PLEKHH1: variants seen among roughly 807,000 people sequenced by gnomAD.
PLEKHH1 encodes the protein pleckstrin homology, MyTH4 and FERM domain containing H1.
Under a neutral mutation model 160.0 loss-of-function variants are expected in PLEKHH1, and 104 were observed. The observed-to-expected ratio is 0.65, with a 90% CI of 0.55 to 0.76. PLEKHH1 has a LOEUF of 0.76. PLEKHH1 is among the 30% of genes least tolerant of loss of function. The pLI, the probability that PLEKHH1 is intolerant of heterozygous loss-of-function variation, is 0.00. For missense variants in PLEKHH1, 1,427 were observed against 1,724.1 expected (o/e 0.83, Z 3.05); for synonymous variants, 619 against 678.4 (o/e 0.91, Z 1.36).
rs536368085 is a variant in PLEKHH1 at position 67,559,703 on chromosome 14, A to T, written c.423+12A>T. On this transcript the variant is annotated intron_variant, in intron 5 of 28. Coordinates refer to ENST00000329153, the MANE Select transcript of PLEKHH1 (RefSeq NM_020715.3). ...TCAAGTTGGCAAAGGTGGGTTGGAAACTCATCTTGGAGGCCTGCCAGAGGC... is the reference window on the plus strand; with the variant it reads ...TCAAGTTGGCAAAGGTGGGTTGGAATCTCATCTTGGAGGCCTGCCAGAGGC... The T allele has an allele frequency of 6.3e-7, 1 of 1,581,926 alleles. No individual in the cohort carries two copies. Among genetic ancestry groups the T allele is most frequent in the East Asian group, 2.3e-5 (1 of 44,098 alleles).
intron 1 of PLEKHH1, among the ~76,000 whole-genome samples, chr14:67,534,557 G>A (rs1361484858): frequency 1.3e-5 from 2 of 152,084 alleles, no homozygotes; most frequent in African/African-American, 4.8e-5. Context: ...AAGTGGAAGA[G>A]CCATAACTGA....
At position 67,589,514 on chromosome 14, in the gene PLEKHH1, A is replaced by AGCAGCTATCTGTGAACCAG; in HGVS notation, c.*2281_*2299dup. The AGCAGCTATCTGTGAACCAG allele has an allele frequency of 1.0e-6, 1 of 985,178 alleles. No homozygotes were observed. The highest frequency in any genetic ancestry group is 1.2e-6 in the Non-Finnish European group (1 of 829,692). The allele number at this position is 985,178 out of a possible 1,614,324, so 61.0% of individuals were successfully genotyped here. A position where few individuals can be genotyped will look rare whatever the true frequency, so the allele number is the denominator to read the frequency against. On this transcript the variant is annotated 3_prime_UTR_variant, in exon 29 of 29. Coordinates refer to ENST00000329153, the MANE Select transcript of PLEKHH1 (RefSeq NM_020715.3). ...ACTATGATCTTGTTTGTCAATAAAA[A>AGCAGCTATCTGTGAACCAG]GCAGCTATCTGTGAACCAGGTAACT...
intron 9 of PLEKHH1, chr14:67,570,272 C>T: frequency 2.1e-6 from 2 of 950,106 alleles, no homozygotes; most frequent in Non-Finnish European, 2.5e-6. Flanking sequence ...CTCTCCCCAC[C>T]TTTTCTCATG....
intron 4 of PLEKHH1, among the ~76,000 whole-genome samples, chr14:67,558,799 G>A (rs2034701458): frequency 6.6e-6 from 1 of 152,332 alleles, no homozygotes. Context: ...GTAAAGTCCA[G>A]GTAGTAACTA....
chr14:67,574,269 C>A lies in PLEKHH1; in HGVS notation c.1954C>A (p.Leu652Met). The part of the protein sequence containing the change: ...QLISEKKTYY[L>M]TADSPSLLEE... ...CATCTCTGAGAAGAAAACCTACTAC[C>A]TGACGGCCGATTCACCCAGCCTGCT... is the stretch of plus-strand genomic sequence containing the variant. The change falls in exon 14 of 29, where the codon CTG (leucine) becomes ATG (methionine). Residue 652 changes from leucine to methionine, a missense_variant. Physicochemically the swap from Leu to Met is conservative, Grantham distance 15 (BLOSUM62 2). Transcript: ENST00000329153. The surrounding 1 kb of genome is among the most constrained non-coding windows in gnomAD (Gnocchi z 4.2). 1 of 1,608,304 alleles carries A rather than the reference C, an allele frequency of 6.2e-7. No individual in the cohort carries two copies. Among genetic ancestry groups the A allele is most frequent in the Non-Finnish European group, 8.5e-7 (1 of 1,177,358 alleles).
At position 67,578,757 on chromosome 14, in the gene PLEKHH1, G is replaced by T; in HGVS notation, c.2849+126G>T. The T allele has an allele frequency of 1.4e-6, 1 of 704,482 alleles. No homozygotes were observed. Among genetic ancestry groups the T allele is most frequent in the East Asian group, 2.7e-5 (1 of 36,888 alleles). The allele number at this position is 704,482 out of a possible 1,614,324, so 43.6% of individuals were successfully genotyped here. On this transcript the variant is annotated intron_variant, in intron 20 of 28. Transcript: ENST00000329153. The surrounding 1 kb of genome is among the most constrained non-coding windows in gnomAD (Gnocchi z 5.0). ...CCTCTGAAACCGCTCAGTGGTCGTG[G>T]AGACTTCACCCATTGCCGTGTGCAC...
rs983017667 is a variant in PLEKHH1, at chr14:67,533,389, C to G, written c.-44C>G. 6.6e-6 allele frequency: 1 copy of G among 151,636 alleles called. No homozygotes were observed. The highest frequency in any genetic ancestry group is 3.4e-3 in the Middle Eastern group (1 of 292). 9.4% of individuals were successfully genotyped at this position (151,636 alleles called of 1,614,324 possible). A position where few individuals can be genotyped will look rare whatever the true frequency, so the allele number is the denominator to read the frequency against. On this transcript the variant is annotated 5_prime_UTR_variant, in exon 1 of 29. Transcript: ENST00000329153. ...AGTGCGCGGCGGGGACGGCCGCGAG[C>G]TCGCTGGAGGTGAGCGACCCGCGCT...
Position 67,585,526 on chromosome 14 carries a change from C to T in PLEKHH1, c.3700-42C>T, listed in dbSNP as rs1438621306. 3.0e-6 allele frequency: 4 copies of T among 1,326,232 alleles called. No individual in the cohort carries two copies. In the African/African-American group the frequency reaches 5.8e-5, roughly 19 times the overall value. 82.2% of individuals were successfully genotyped at this position (1,326,232 alleles called of 1,614,324 possible). A position where few individuals can be genotyped will look rare whatever the true frequency, so the allele number is the denominator to read the frequency against. On this transcript the variant is annotated intron_variant, in intron 26 of 28. Coordinates refer to ENST00000329153, the MANE Select transcript of PLEKHH1 (RefSeq NM_020715.3). ...AGAAAGTTATTATAGTTCAAAATCTCTAACTATGGATATATCTGATGGGTT... is the reference window on the plus strand; with the variant it reads ...AGAAAGTTATTATAGTTCAAAATCTTTAACTATGGATATATCTGATGGGTT...
chr14:67,565,645 C>T (rs150256744), intron 7 of PLEKHH1, among the ~76,000 whole-genome samples: 1 of 152,272 alleles, frequency 6.6e-6, no homozygotes, highest in African/African-American at 2.4e-5. Flanking sequence ...GGGCAGACAT[C>T]CCCTCCACAG....
chr14:67,573,593 G>A lies in PLEKHH1; in HGVS notation c.1839+207G>A, dbSNP rs749377767. Among the ~76,000 whole-genome samples, 68 of 152,312 alleles carry A rather than the reference G, an allele frequency of 4.5e-4. No homozygotes were observed. The highest frequency in any genetic ancestry group is 2.5e-3 in the South Asian group (12 of 4,830). On this transcript the variant is annotated intron_variant, in intron 12 of 28. Transcript: ENST00000329153. This position sits in a 1 kb window ranked among gnomAD's most constrained non-coding sequence, Gnocchi z 4.8. ...GGCCGTGAGTTTCAGAATGAAATAG[G>A]GAGGTTCTCAGAAGGACCCATGTTC...
intron 2 of PLEKHH1, among the ~76,000 whole-genome samples, chr14:67,546,772 A>G (rs2034198543): frequency 2.0e-5 from 3 of 152,188 alleles, no homozygotes; most frequent in Non-Finnish European, 4.4e-5. Context: ...AGGCCAAGGT[A>G]GGAGGATCGC....
chr14:67,587,054 C>A lies in PLEKHH1; in HGVS notation c.3934-20C>A. ...AGCCAAGGCTAGTTCAATTCCTTCA[C>A]ATCTCTGACCTCCTCTTAGATTGCA... On this transcript the variant is annotated intron_variant, in intron 28 of 28. Transcript: ENST00000329153. 6.4e-7 allele frequency: 1 copy of A among 1,565,618 alleles called. No individual in the cohort carries two copies. The highest frequency in any genetic ancestry group is 8.7e-7 in the Non-Finnish European group (1 of 1,151,018).
chr14:67,568,653 TG>T (rs1432548305), intron 7 of PLEKHH1, among the ~76,000 whole-genome samples: 1 of 152,212 alleles, frequency 6.6e-6, no homozygotes, highest in Admixed American at 6.5e-5. Context: ...TTTAAAAATG[TG>T]CCCTAAGTTC....
At chr14:67,580,887 C>A in intron 22 of PLEKHH1, 51 bp from the exon 23 acceptor site, 1 of 1,228,318 alleles carries the variant, frequency 8.1e-7, no homozygotes, top group South Asian at 1.2e-5. Flanking sequence ...ACCTTGATCC[C>A]TTCTCTCCTT....
Position 67,573,948 on chromosome 14 carries a change from C to T in PLEKHH1, c.1926+61C>T, listed in dbSNP as rs2140481951. The T allele has an allele frequency of 3.3e-6, 4 of 1,230,638 alleles. No individual in the cohort carries two copies. Among genetic ancestry groups the T allele is most frequent in the Non-Finnish European group, 4.8e-6 (4 of 830,926 alleles). 76.2% of individuals were successfully genotyped at this position (1,230,638 alleles called of 1,614,324 possible). On this transcript the variant is annotated intron_variant, in intron 13 of 28. Coordinates refer to ENST00000329153, the MANE Select transcript of PLEKHH1 (RefSeq NM_020715.3). This position sits in a 1 kb window ranked among gnomAD's most constrained non-coding sequence, Gnocchi z 4.8. The stretch of plus-strand genomic sequence containing the variant: ...AAGAGGTGCTGGGTTTGGATATGGC[C>T]GTGAGTGAGACAAAGATGGGGCCAA...
chr14:67,553,362 T>C (rs1361199980), intron 2 of PLEKHH1, among the ~76,000 whole-genome samples: 1 of 152,028 alleles, frequency 6.6e-6, no homozygotes, highest in African/African-American at 2.4e-5. Context: ...TTCATTAGAT[T>C]ATTTCTGTGT....
rs2035294076 is a variant in PLEKHH1, at chr14:67,569,995, T to C, written c.1417T>C (p.Tyr473His). 1 of 1,600,570 alleles carries C rather than the reference T, an allele frequency of 6.2e-7. No homozygotes were observed. The highest frequency in any genetic ancestry group is 8.5e-7 in the Non-Finnish European group (1 of 1,170,966). Residue 473 changes from tyrosine (Y) to histidine (H), a missense_variant, in exon 9 of 29, where the codon TAC becomes CAC. Transcript: ENST00000329153. Reference sequence around the variant, plus strand: ...CTACAAGAATGTCACTGTGCCTGTCTACACAGCACTGAAGGGGGTAAGAAA... The same window carrying C: ...CTACAAGAATGTCACTGTGCCTGTCCACACAGCACTGAAGGGGGTAAGAAA... ...LVYKNVTVPV[Y>H]TALKGRATQI... is the part of the protein sequence containing the mutation.
Position 67,574,301 on chromosome 14 carries a change from G to T in PLEKHH1, c.1986G>T (p.Glu662Asp). The T allele has an allele frequency of 6.2e-7, 1 of 1,607,620 alleles. No individual in the cohort carries two copies. Among genetic ancestry groups the T allele is most frequent in the Non-Finnish European group, 8.5e-7 (1 of 1,177,014 alleles). The change falls in exon 14 of 29, where the codon GAG becomes GAT. Residue 662 changes from glutamate to aspartate, a missense_variant. By Grantham distance (45) the Glu-to-Asp change is conservative. Around this residue, in one of 6 missense-constraint regions of PLEKHH1, gnomAD observed 831 missense variants for 929.2 expected, o/e 0.89. Transcript: ENST00000329153. The surrounding 1 kb of genome is among the most constrained non-coding windows in gnomAD (Gnocchi z 4.2). ...CCGATTCACCCAGCCTGCTGGAGGA[G>T]TGGATCCGAGTACTCCAGAGCCTGC... ...LTADSPSLLE[E>D]WIRVLQSLLK...
intron 4 of PLEKHH1, among the ~76,000 whole-genome samples, chr14:67,559,406 G>A (rs1402592356): frequency 6.6e-6 from 1 of 152,130 alleles, no homozygotes; most frequent in African/African-American, 2.4e-5. Context: ...CCCCTTCGTG[G>A]TGAACACTTA....
Sources: gnomAD v4.1 joint callset for allele counts (sites outside exome capture counted in the v4.1 genomes callset) on GRCh38, gnomAD v4.1.1 for gene constraint, gnomAD v4.1.1 regional missense constraint, Gnocchi (gnomAD v3.1) non-coding constraint, MANE v1.5 for transcripts, NCBI Gene and HGNC (gene_info 2026-07-23, HGNC 2026-07-21) for gene names.